The following MAGI1 variants were observed in gnomAD, a reference collection of about 807,000 sequenced individuals.
MAGI1 encodes membrane-associated guanylate kinase, WW and PDZ domain-containing protein 1.
Under a neutral mutation model 139.9 loss-of-function variants are expected in MAGI1, and 58 were observed. That is an observed-to-expected ratio of 0.41 (90% confidence interval 0.34 to 0.52). The LOEUF (loss-of-function observed/expected upper bound fraction) is 0.52, where lower values mean the gene tolerates loss of function less well. Ranked by LOEUF, MAGI1 falls within the 20% of genes least tolerant of loss-of-function variation. MAGI1 has a pLI of 0.12. For missense variants in MAGI1, 1,874 were observed against 1,901.6 expected (o/e 0.99, Z 0.27); for synonymous variants, 812 against 737.9 (o/e 1.10, Z -1.63).
intron 1 of MAGI1, among the ~76,000 whole-genome samples, chr3:65,829,168 A>G (rs1271133463): frequency 6.6e-6 from 1 of 152,214 alleles, no homozygotes; most frequent in Non-Finnish European, 1.5e-5. Context: ...TGTTTTAGCC[A>G]TTCTGTTTGT....
chr3:65,435,838 ACTGCAAACAGAAGGAACAGCCT>A (rs1947808012), intron 10 of MAGI1, among the ~76,000 whole-genome samples: 1 of 152,190 alleles, frequency 6.6e-6, no homozygotes, highest in Admixed American at 6.5e-5. Context: ...AGGAACAGCC[ACTGCAAACAGAAGGAACAGCCT>A]CTGCAAAGGC....
chr3:65,683,772 G>A (rs1428314143), intron 1 of MAGI1, among the ~76,000 whole-genome samples: 1 of 151,746 alleles, frequency 6.6e-6, no homozygotes, highest in African/African-American at 2.4e-5. Flanking sequence ...CTATCAGAAT[G>A]GATGAAATGA....
chr3:65,723,035 T>C (rs761300814), intron 1 of MAGI1, among the ~76,000 whole-genome samples: 6 of 151,038 alleles, frequency 4.0e-5, no homozygotes, highest in Non-Finnish European at 5.9e-5. Flanking sequence ...GGAGCAATGA[T>C]ATTAGGACAT....
intron 3 of MAGI1, among the ~76,000 whole-genome samples, chr3:65,480,552 T>C (rs1951212153): frequency 6.6e-6 from 1 of 150,522 alleles, no homozygotes; most frequent in Admixed American, 6.6e-5. Flanking sequence ...AAAAAATTGC[T>C]TCTATCAGGC....
chr3:65,831,451 G>C (rs1457773513), intron 1 of MAGI1, among the ~76,000 whole-genome samples: 1 of 152,198 alleles, frequency 6.6e-6, no homozygotes, highest in African/African-American at 2.4e-5. Context: ...AAGAGCAGAA[G>C]TATAGAGATA....
At chr3:65,387,831 C>T (rs778812358) in intron 14 of MAGI1, among the ~76,000 whole-genome samples, 2 of 152,176 alleles carry the variant, frequency 1.3e-5, no homozygotes, top group South Asian at 2.1e-4. Context: ...GAAGCTCAAT[C>T]GCCACTTCCA....
intron 1 of MAGI1, among the ~76,000 whole-genome samples, chr3:65,987,846 G>A (rs1387830063): frequency 6.6e-6 from 1 of 152,214 alleles, no homozygotes; most frequent in Non-Finnish European, 1.5e-5. Context: ...TGAGATTACA[G>A]TCATGAGCCA....
chr3:65,684,927 A>G (rs979083161), intron 1 of MAGI1, among the ~76,000 whole-genome samples: 1 of 123,052 alleles, frequency 8.1e-6, no homozygotes, highest in African/African-American at 3.3e-5. Flanking sequence ...TATGTTGCTC[A>G]GGCTGGTCTC....
rs766873026 is a variant in MAGI1 at position 65,756,705 on chromosome 3, G to A, written c.314-134617C>T. Among the ~76,000 whole-genome samples the A allele has an allele frequency of 5.9e-5, 9 of 152,242 alleles. No homozygotes were observed. In the South Asian group the frequency reaches 8.3e-4, roughly 14 times the overall value. On this transcript the variant is annotated intron_variant, in intron 1 of 22. Transcript: ENST00000402939. The stretch of plus-strand genomic sequence containing the variant: ...TAAACTACCTTTATGAAAAATTACA[G>A]TCATATTTCCAGATGACATATTCGG...
intron 1 of MAGI1, among the ~76,000 whole-genome samples, chr3:65,713,463 A>C (rs1473267350): frequency 6.6e-6 from 1 of 152,060 alleles, no homozygotes; most frequent in Middle Eastern, 3.4e-3. Context: ...AAAGAAAGAA[A>C]CTCTTTTATT....
chr3:65,534,466 G>A (rs1178892522), intron 2 of MAGI1, among the ~76,000 whole-genome samples: 1 of 152,096 alleles, frequency 6.6e-6, no homozygotes, highest in Non-Finnish European at 1.5e-5. Context: ...CTCCAGCCTC[G>A]GTGAGAGAGT....
intron 1 of MAGI1, among the ~76,000 whole-genome samples, chr3:65,944,317 A>T (rs2063456689): frequency 6.6e-6 from 1 of 152,158 alleles, no homozygotes; most frequent in Non-Finnish European, 1.5e-5. Flanking sequence ...GTTCAAGACC[A>T]GCCTGGGCAA....
intron 2 of MAGI1, among the ~76,000 whole-genome samples, chr3:65,619,494 G>A (rs571401332): frequency 3.5e-4 from 53 of 152,256 alleles, no homozygotes; most frequent in South Asian, 1.5e-3. Flanking sequence ...GGTCACCTCT[G>A]TTCAAAATAC....
intron 1 of MAGI1, among the ~76,000 whole-genome samples, chr3:65,754,897 C>A (rs868757342): frequency 6.6e-6 from 1 of 151,912 alleles, no homozygotes; most frequent in Non-Finnish European, 1.5e-5. Context: ...GAGGAAGGGG[C>A]TGGCCAATTA....
At chr3:65,796,397 G>A (rs1347312961) in intron 1 of MAGI1, among the ~76,000 whole-genome samples, 2 of 152,138 alleles carry the variant, frequency 1.3e-5, no homozygotes, top group African/African-American at 2.4e-5. Context: ...CATCCAGACT[G>A]GTGTTTCACC....
At chr3:65,732,568 T>G (rs1001278162) in intron 1 of MAGI1, among the ~76,000 whole-genome samples, 3 of 152,220 alleles carry the variant, frequency 2.0e-5, no homozygotes, top group Non-Finnish European at 4.4e-5. Context: ...AGACTGCTAA[T>G]CACAGCGCGG....
At chr3:65,642,881 A>T (rs146410270) in intron 1 of MAGI1, among the ~76,000 whole-genome samples, 252 of 152,354 alleles carry the variant, frequency 1.7e-3, no homozygotes, top group African/African-American at 5.5e-3. Flanking sequence ...TCTAGAGAAG[A>T]CTTCTGTTCC....
rs1242857830 is a variant in MAGI1 at position 65,388,156 on chromosome 3, GA to G, written c.2416+2985del. Reference sequence around the variant, plus strand: ...ATTGAAACCCTTCAAAAGGATTCATGAACACATTTGTAATTCAGACTGATTC... The same window carrying G: ...ATTGAAACCCTTCAAAAGGATTCATGACACATTTGTAATTCAGACTGATTC... On this transcript the variant is annotated intron_variant, in intron 14 of 22. Transcript: ENST00000402939. Among the ~76,000 whole-genome samples the G allele has an allele frequency of 4.6e-5, 7 of 152,298 alleles. No homozygotes were observed. The South Asian group carries it at 1.0e-3, about 23-fold the overall frequency.
chr3:65,517,079 T>C (rs1200191089), intron 2 of MAGI1, among the ~76,000 whole-genome samples: 3 of 152,178 alleles, frequency 2.0e-5, no homozygotes, highest in Non-Finnish European at 4.4e-5. Flanking sequence ...CAGGTTTTCC[T>C]ACTCTGGAAG....
Sources: allele counts gnomAD v4.1 joint callset (sites outside exome capture counted in the v4.1 genomes callset), GRCh38; gene constraint gnomAD v4.1.1; transcripts MANE v1.5; gene names NCBI Gene and HGNC (gene_info 2026-07-23, HGNC 2026-07-21).